The following CLVS1 variants were observed in gnomAD, a reference collection of about 807,000 sequenced individuals.
CLVS1 encodes clavesin-1.
Under a neutral mutation model 33.1 loss-of-function variants are expected in CLVS1, and 10 were observed. The observed-to-expected ratio is 0.30, with a 90% CI of 0.19 to 0.51. CLVS1 has a LOEUF of 0.51. CLVS1 is among the 20% of genes least tolerant of loss of function. The pLI, the probability that CLVS1 is intolerant of heterozygous loss-of-function variation, is 0.97. For missense variants in CLVS1, 343 were observed against 433.4 expected (o/e 0.79, Z 1.85); for synonymous variants, 163 against 166.1 (o/e 0.98, Z 0.14).
chr8:61,325,568 A>G lies in CLVS1; in HGVS notation c.455+25286A>G, dbSNP rs527329344. Reference sequence around the variant, plus strand: ...ATAAGCCACATCTATTCTTGTTTTGAGATAGACTTCTCTGTATTTTAGGTG... The same window carrying G: ...ATAAGCCACATCTATTCTTGTTTTGGGATAGACTTCTCTGTATTTTAGGTG... On this transcript the variant is annotated intron_variant, in intron 2 of 5. Coordinates refer to ENST00000325897, the MANE Select transcript of CLVS1 (RefSeq NM_173519.3). Among the ~76,000 whole-genome samples the G allele has an allele frequency of 8.1e-4, 123 of 152,218 alleles. 1 individual carries two copies. Among genetic ancestry groups the G allele is most frequent in the South Asian group, 2.5e-3 (12 of 4,814 alleles).
chr8:61,328,768 C>T (rs1002427889), intron 2 of CLVS1, among the ~76,000 whole-genome samples: 2 of 152,108 alleles, frequency 1.3e-5, no homozygotes, highest in Non-Finnish European at 2.9e-5. Context: ...AGGGAAGTCC[C>T]CTGGAAGCAA....
intron 2 of CLVS1, among the ~76,000 whole-genome samples, chr8:61,193,897 G>A (rs1190664505): frequency 6.6e-6 from 1 of 151,978 alleles, no homozygotes; most frequent in East Asian, 1.9e-4. Flanking sequence ...GGATTAAAAC[G>A]ATAAAACACG....
At chr8:61,302,014 A>T (rs1810455969) in intron 2 of CLVS1, among the ~76,000 whole-genome samples, 1 of 152,182 alleles carries the variant, frequency 6.6e-6, no homozygotes, top group South Asian at 2.1e-4. Flanking sequence ...TAACCTAAAA[A>T]TATATCAACC....
At chr8:61,296,081 G>A (rs886111563) in intron 1 of CLVS1, among the ~76,000 whole-genome samples, 4 of 152,256 alleles carry the variant, frequency 2.6e-5, no homozygotes, top group Admixed American at 6.5e-5. Context: ...CTATATCCTG[G>A]TGAACATTCT....
At chr8:60,969,007 T>C in the CLVS1 span, among the ~76,000 whole-genome samples, 1 of 151,936 alleles carries the variant, frequency 6.6e-6, no homozygotes, top group Admixed American at 6.6e-5. Flanking sequence ...AACAAACATG[T>C]ATATTACATA....
chr8:60,990,700 C>T, the CLVS1 span, among the ~76,000 whole-genome samples: 1 of 150,264 alleles, frequency 6.7e-6, no homozygotes, highest in African/African-American at 2.4e-5. Context: ...TATTAATTAA[C>T]AGGGTTTTTT....
At chr8:61,098,362 G>C (rs2129285970) in intron 1 of CLVS1, among the ~76,000 whole-genome samples, 1 of 150,940 alleles carries the variant, frequency 6.6e-6, no homozygotes, top group East Asian at 1.9e-4. Flanking sequence ...TTATTTAGGG[G>C]AACCATGAAA....
rs59671943 is a variant in CLVS1 at position 61,098,402 on chromosome 8, G to GATATATAT, written c.-242-33349_-242-33342dup. Reference sequence around the variant, plus strand: ...ATTAAAATTCCCTTTTAGGGAAACTGATATATATATATATATATATATATA... The same window carrying GATATATAT: ...ATTAAAATTCCCTTTTAGGGAAACTGATATATATATATATATATATATATATATATATA... On this transcript the variant is annotated intron_variant, in intron 1 of 2. Coordinates refer to the CLVS1 transcript ENST00000522621. Among the ~76,000 whole-genome samples, 421 of 143,956 alleles carry GATATATAT rather than the reference G, an allele frequency of 2.9e-3. 5 individuals are homozygous for GATATATAT. The highest frequency in any genetic ancestry group is 8.6e-3 in the African/African-American group (330 of 38,560). 94.4% of individuals were successfully genotyped at this position (143,956 alleles called of 152,430 possible).
the CLVS1 span, among the ~76,000 whole-genome samples, chr8:61,040,168 A>G: frequency 1.3e-5 from 2 of 152,222 alleles, no homozygotes; most frequent in Non-Finnish European, 2.9e-5. Flanking sequence ...TGCAAAGGAC[A>G]TAATTTCATT....
intron 2 of CLVS1, among the ~76,000 whole-genome samples, chr8:61,214,692 C>T (rs1456759523): frequency 6.6e-6 from 1 of 152,164 alleles, no homozygotes; most frequent in African/African-American, 2.4e-5. Flanking sequence ...GTTATGGCAG[C>T]CTTAGCAAAC....
chr8:61,490,406 C>T lies in CLVS1; in HGVS notation c.978-9049C>T, dbSNP rs370572878. ...AAATTGGGCCGGGCTCTGTGGCTCA[C>T]GCCTGTAATCTCAGCACTTTGGGAG... On this transcript the variant is annotated intron_variant, in intron 5 of 5. Coordinates refer to ENST00000325897, the MANE Select transcript of CLVS1 (RefSeq NM_173519.3). Among the ~76,000 whole-genome samples, 95 of 151,828 alleles carry T rather than the reference C, an allele frequency of 6.3e-4. 1 individual carries two copies. The South Asian group carries it at 0.011, about 18-fold the overall frequency.
chr8:61,284,634 C>T (rs1030591001), upstream of CLVS1, among the ~76,000 whole-genome samples: 1 of 152,076 alleles, frequency 6.6e-6, no homozygotes, highest in Non-Finnish European at 1.5e-5. Context: ...CAAAGAAAAG[C>T]CTGGTTATTA....
At chr8:61,240,447 G>T (rs1808674702) in intron 2 of CLVS1, among the ~76,000 whole-genome samples, 1 of 152,012 alleles carries the variant, frequency 6.6e-6, no homozygotes, top group Admixed American at 6.6e-5. Flanking sequence ...CCCAGCAATT[G>T]GTCACCCTCT....
At chr8:61,012,056 C>T in the CLVS1 span, among the ~76,000 whole-genome samples, 6 of 152,202 alleles carry the variant, frequency 3.9e-5, no homozygotes, top group Non-Finnish European at 7.3e-5. Context: ...GGCAGATGCT[C>T]ACCCAGAATC....
In CLVS1 at chr8:61,448,817, C is replaced by A. The variant is rs75263567; in HGVS notation, c.631-5324C>A. Reference sequence around the variant, plus strand: ...CTTTTTCATCTGCATCATACATGTTCATAATTGCTGTTGAAACATTGTTCG... The same window carrying A: ...CTTTTTCATCTGCATCATACATGTTAATAATTGCTGTTGAAACATTGTTCG... On this transcript the variant is annotated intron_variant, in intron 3 of 5. Coordinates refer to ENST00000325897, the MANE Select transcript of CLVS1 (RefSeq NM_173519.3). Among the ~76,000 whole-genome samples, 51 of 152,102 alleles carry A rather than the reference C, an allele frequency of 3.4e-4. 1 individual carries two copies. In the East Asian group the frequency reaches 9.3e-3, roughly 28 times the overall value.
At chr8:60,967,382 T>G in the CLVS1 span, among the ~76,000 whole-genome samples, 1 of 152,068 alleles carries the variant, frequency 6.6e-6, no homozygotes, top group Non-Finnish European at 1.5e-5. Context: ...CAGAGAAAAC[T>G]CACTGGAGAA....
intron 1 of CLVS1, chr8:61,131,734 TA>T (rs1296657780): frequency 6.6e-6 from 1 of 152,044 alleles, no homozygotes; most frequent in Non-Finnish European, 1.5e-5. Flanking sequence ...TGCTGTTTTT[TA>T]AAATCCAGAC....
chr8:61,288,013 A>G lies in CLVS1; in HGVS notation c.-277A>G. On this transcript the variant is annotated 5_prime_UTR_variant, in exon 1 of 6. Coordinates refer to ENST00000325897, the MANE Select transcript of CLVS1 (RefSeq NM_173519.3). ...AGCCCCTTGTGGAGCCCGAGCTCTC[A>G]TTCACAGCTTTCTAGAGAAATCTGA... The G allele has an allele frequency of 2.3e-6, 1 of 431,078 alleles. No individual in the cohort carries two copies. The highest frequency in any genetic ancestry group is 4.7e-6 in the Non-Finnish European group (1 of 214,294). 26.7% of individuals were successfully genotyped at this position (431,078 alleles called of 1,614,324 possible).
intron 5 of CLVS1, among the ~76,000 whole-genome samples, chr8:61,481,460 G>A (rs983033699): frequency 3.3e-5 from 5 of 152,204 alleles, no homozygotes; most frequent in African/African-American, 7.2e-5. Context: ...AAGGGAAGAC[G>A]TGACAGATCG....
Sources: gnomAD v4.1 joint callset for allele counts (sites outside exome capture counted in the v4.1 genomes callset) on GRCh38, gnomAD v4.1.1 for gene constraint, MANE v1.5 for transcripts, NCBI Gene and HGNC (gene_info 2026-07-23, HGNC 2026-07-21) for gene names.